Variants in BMPR1B observed in about 807,000 individuals in gnomAD.
BMPR1B encodes the protein bone morphogenetic protein receptor type-1B.
Under a neutral mutation model 59.1 loss-of-function variants are expected in BMPR1B, and 12 were observed. The ratio of observed to expected loss-of-function variants is 0.20; its 90% CI spans 0.13 to 0.33. The LOEUF (loss-of-function observed/expected upper bound fraction) is 0.33, where lower values mean the gene tolerates loss of function less well. Among genes scored for constraint, BMPR1B ranks in the 10% least tolerant of loss-of-function variants. BMPR1B has a pLI of 1.00. For missense variants in BMPR1B, 550 were observed against 610.9 expected, an observed-to-expected ratio of 0.90 and a Z score of 1.05; for synonymous variants, 237 against 207.3, an observed-to-expected ratio of 1.14 and a Z score of -1.23.
intron 4 of BMPR1B, among the ~76,000 whole-genome samples, chr4:95,111,687 A>G (rs907323566): frequency 1.3e-5 from 2 of 152,154 alleles, no homozygotes; most frequent in East Asian, 1.9e-4. Context: ...TTGCAAGTGT[A>G]TGTTCACCTG....
chr4:94,983,016 A>C lies in BMPR1B; in HGVS notation c.-112-13024A>C, dbSNP rs143665494. Among the ~76,000 whole-genome samples the C allele has an allele frequency of 8.5e-5, 13 of 152,094 alleles. No individual in the cohort carries two copies. The East Asian group carries it at 2.5e-3, about 29-fold the overall frequency. On this transcript the variant is annotated intron_variant, in intron 2 of 12. Transcript: ENST00000515059. ...GAAAAAAAAAAACAAACGAAAAAAA[A>C]ATTGTCACCTGAATACTAAAGATTG...
intron 1 of BMPR1B, among the ~76,000 whole-genome samples, chr4:94,856,092 T>A (rs1283184467): frequency 2.6e-5 from 4 of 152,170 alleles, no homozygotes; most frequent in Non-Finnish European, 5.9e-5. Context: ...CTTTCACCTA[T>A]AAGGAGCTGG....
At chr4:94,882,420 A>G (rs541863177) in intron 2 of BMPR1B, among the ~76,000 whole-genome samples, 7 of 152,362 alleles carry the variant, frequency 4.6e-5, no homozygotes, top group Admixed American at 3.9e-4. Context: ...AGGAGTAGAA[A>G]TAACATAAAT....
chr4:94,932,488 A>C (rs1247430864), intron 2 of BMPR1B, among the ~76,000 whole-genome samples: 1 of 152,176 alleles, frequency 6.6e-6, no homozygotes, highest in Non-Finnish European at 1.5e-5. Flanking sequence ...AAACTTGCAA[A>C]ATGATATTTT....
chr4:94,959,731 G>A (rs1474786534), intron 2 of BMPR1B, among the ~76,000 whole-genome samples: 1 of 152,018 alleles, frequency 6.6e-6, no homozygotes, highest in Non-Finnish European at 1.5e-5. Flanking sequence ...TGAAGTTTTT[G>A]ATCTTTGATT....
At chr4:95,054,200 T>C (rs1255518133) in intron 3 of BMPR1B, among the ~76,000 whole-genome samples, 1 of 150,834 alleles carries the variant, frequency 6.6e-6, no homozygotes, top group Non-Finnish European at 1.5e-5. Context: ...ATATGTGTAA[T>C]ATTGCACTTC....
At chr4:95,093,208 A>G (rs1730121514) in intron 3 of BMPR1B, among the ~76,000 whole-genome samples, 1 of 151,944 alleles carries the variant, frequency 6.6e-6, no homozygotes. Context: ...TTTTGTTCTT[A>G]TATTGTTGCT....
At chr4:94,869,095 A>C (rs1274692866) in intron 1 of BMPR1B, among the ~76,000 whole-genome samples, 3 of 144,542 alleles carry the variant, frequency 2.1e-5, no homozygotes, top group African/African-American at 5.1e-5. Flanking sequence ...TTTACTATCA[A>C]ACACACACAC....
chr4:95,082,122 A>AT (rs1260957012), intron 3 of BMPR1B, among the ~76,000 whole-genome samples: 8 of 133,028 alleles, frequency 6.0e-5, no homozygotes, highest in African/African-American at 2.2e-4. Context: ...TCCTAATGCT[A>AT]TCCCTCCCCC....
chr4:94,999,670 A>G (rs998143688), intron 3 of BMPR1B, among the ~76,000 whole-genome samples: 8 of 152,212 alleles, frequency 5.3e-5, no homozygotes, highest in African/African-American at 1.7e-4. Context: ...AGACAGTGTC[A>G]TGCCTTCCAA....
rs1236872745 is a variant in BMPR1B, at chr4:95,129,861, G to T, written c.586-1G>T. 6.2e-7 allele frequency: 1 copy of T among 1,613,596 alleles called. No homozygotes were observed. Among genetic ancestry groups the T allele is most frequent in the Non-Finnish European group, 8.5e-7 (1 of 1,179,696 alleles). ...TAACAGTGTGTTTTGGGATTTCACA[G>T]GTCCAAAGGACTATAGCTAAGCAGA... On this transcript the variant is annotated splice_acceptor_variant, in intron 8 of 12. Transcript: ENST00000515059. LOFTEE classifies it high-confidence loss of function.
At chr4:95,065,807 A>G (rs1727755759) in intron 3 of BMPR1B, among the ~76,000 whole-genome samples, 2 of 152,146 alleles carry the variant, frequency 1.3e-5, no homozygotes, top group Admixed American at 6.6e-5. Context: ...GAGTCCTGCA[A>G]TGAACGTTGT....
intron 1 of BMPR1B, among the ~76,000 whole-genome samples, chr4:94,781,822 C>T (rs954615503): frequency 1.3e-5 from 2 of 152,140 alleles, no homozygotes; most frequent in Admixed American, 1.3e-4. Context: ...ACATTATTTT[C>T]CTGGTGCCTT....
intron 1 of BMPR1B, among the ~76,000 whole-genome samples, chr4:94,844,562 T>C (rs1725239642): frequency 6.6e-6 from 1 of 152,134 alleles, no homozygotes; most frequent in African/African-American, 2.4e-5. Flanking sequence ...CCCATTTCCA[T>C]GCCAGAGGGA....
chr4:95,031,585 A>G (rs899119167), intron 3 of BMPR1B, among the ~76,000 whole-genome samples: 13 of 152,098 alleles, frequency 8.5e-5, no homozygotes, highest in African/African-American at 1.9e-4. Context: ...CAGCTTTTCA[A>G]GTAGCTGGGA....
intron 5 of BMPR1B, 27 bp from the exon 6 acceptor site, chr4:95,115,658 C>T (rs1171645202): frequency 2.5e-6 from 4 of 1,574,366 alleles, no homozygotes; most frequent in Non-Finnish European, 2.6e-6. Context: ...AAGAAACTCA[C>T]TAATAGCTGT....
chr4:95,051,729 G>A lies in BMPR1B; in HGVS notation c.-17-52679G>A, dbSNP rs527871121. On this transcript the variant is annotated intron_variant, in intron 3 of 12. Coordinates refer to ENST00000515059, the MANE Select transcript of BMPR1B (RefSeq NM_001203.3). ...GTTGGCTGGAAGAACTAAACTGGCA[G>A]CTTCACATTTTCTTGCTCATTCTTC... 3.2e-4 allele frequency: 490 copies of A among 1,535,618 alleles called. 1 individual carries two copies. The African/African-American group carries it at 6.3e-3, about 20-fold the overall frequency.
intron 2 of BMPR1B, among the ~76,000 whole-genome samples, chr4:94,900,066 C>T (rs1727750288): frequency 6.6e-6 from 1 of 151,812 alleles, no homozygotes; most frequent in African/African-American, 2.4e-5. Flanking sequence ...AATAACCTGC[C>T]AGTTCTAATC....
intron 3 of BMPR1B, among the ~76,000 whole-genome samples, chr4:95,017,199 A>G (rs1723642020): frequency 6.6e-6 from 1 of 152,218 alleles, no homozygotes; most frequent in Non-Finnish European, 1.5e-5. Flanking sequence ...CAAGCCATGC[A>G]AGCAGCTCTC....
Sources: allele counts gnomAD v4.1 joint callset (sites outside exome capture counted in the v4.1 genomes callset), GRCh38; gene constraint gnomAD v4.1.1; transcripts MANE v1.5; gene names NCBI Gene and HGNC (gene_info 2026-07-23, HGNC 2026-07-21).